The following DUXB variants were observed in gnomAD, a reference collection of about 807,000 sequenced individuals.
DUXB encodes the protein double homeobox protein B.
Under a neutral mutation model 8.9 loss-of-function variants are expected in DUXB, and 22 were observed. The observed-to-expected ratio is 2.46, with a 90% confidence interval of 1.76 to 3.52. The LOEUF is 3.52. Among genes scored for constraint, DUXB ranks in the 30% most tolerant of loss-of-function variants. The pLI, the probability that DUXB is intolerant of heterozygous loss-of-function variation, is 0.00. For missense variants in DUXB, 237 were observed against 108.7 expected, an observed-to-expected ratio of 2.18 and a Z score of -5.25; for synonymous variants, 84 against 37.6, an observed-to-expected ratio of 2.23 and a Z score of -4.52.
intron 1 of DUXB, among the ~76,000 whole-genome samples, chr16:75,701,144 G>C (rs1483434569): frequency 6.6e-6 from 1 of 152,102 alleles, no homozygotes; most frequent in East Asian, 1.9e-4. Flanking sequence ...CACATAAACT[G>C]TCAACTTTAA....
chr16:75,696,121 G>A lies in DUXB; in HGVS notation c.287-6C>T, dbSNP rs1157396024. 7 of 685,696 alleles carry A rather than the reference G, an allele frequency of 1.0e-5. No individual in the cohort carries two copies. The highest frequency in any genetic ancestry group is 4.2e-5 in the African/African-American group (2 of 47,652). 42.5% of individuals were successfully genotyped at this position (685,696 alleles called of 1,614,324 possible). A position where few individuals can be genotyped will look rare whatever the true frequency, so the allele number is the denominator to read the frequency against. ...GGCTTCTTTAGGTAAGTATTCTAAA[G>A]GAGAACACAGAAGCTGTTGGGGAAT... On this transcript the variant is annotated splice_polypyrimidine_tract_variant and splice_region_variant and intron_variant, in intron 3 of 4. Transcript: ENST00000633875.
intron 4 of DUXB, among the ~76,000 whole-genome samples, 200 bp downstream of exon 4, chr16:75,695,761 A>G (rs1250767103): frequency 6.6e-6 from 1 of 152,224 alleles, no homozygotes; most frequent in Non-Finnish European, 1.5e-5. Context: ...TCTGCTAGTG[A>G]TTCCAAATCC....
At position 75,700,108 on chromosome 16, in the gene DUXB, G is replaced by A. The variant is rs1013885043; in HGVS notation, c.87C>T (p.Ile29=). 1.0e-5 allele frequency: 7 copies of A among 702,660 alleles called. No homozygotes were observed. In the African/African-American group the frequency reaches 1.0e-4, roughly 11 times the overall value. The allele number at this position is 702,660 out of a possible 1,614,324, so 43.5% of individuals were successfully genotyped here. ...RIQYNQSQKD[I]LQSWFQHDPF... is the part of the protein sequence containing the mutation. ...GGTCATGTTGAAACCATGATTGGAG[G>A]ATATCCTTTTGACTCTGGTTATACT... Residue 29 remains isoleucine (I), a synonymous_variant, in exon 2 of 5, where the codon ATC becomes ATT. Transcript: ENST00000633875.
Position 75,694,244 on chromosome 16 carries a change from C to G in DUXB, c.723G>C (p.Gln241His). 4 of 572,868 alleles carry G rather than the reference C, an allele frequency of 7.0e-6. No homozygotes were observed. The highest frequency in any genetic ancestry group is 1.2e-5 in the Non-Finnish European group (4 of 326,032). 35.5% of individuals were successfully genotyped at this position (572,868 alleles called of 1,614,324 possible). A position where few individuals can be genotyped will look rare whatever the true frequency, so the allele number is the denominator to read the frequency against. ...GPNVMIMQPT[Q>H]AVQEGEKSDQ... Reference sequence around the variant, plus strand: ...CAGACTTCTCTCCTTCCTGCACAGCCTGTGTGGGCTGCATGATCATGACAT... The same window carrying G: ...CAGACTTCTCTCCTTCCTGCACAGCGTGTGTGGGCTGCATGATCATGACAT... The change falls in exon 5 of 5, where the codon CAG (glutamine) becomes CAC (histidine). Residue 241 changes from glutamine to histidine, a missense_variant. By Grantham distance (24) the Gln-to-His change is conservative. Coordinates refer to ENST00000633875, the MANE Select transcript of DUXB (RefSeq NM_001351307.2).
chr16:75,699,812 T>G (rs1959200783), intron 2 of DUXB, among the ~76,000 whole-genome samples: 1 of 152,186 alleles, frequency 6.6e-6, no homozygotes, highest in Non-Finnish European at 1.5e-5. Context: ...CCGCCTGCCT[T>G]GGCCTCCCAA....
intron 2 of DUXB, 117 bp downstream of exon 2, chr16:75,699,898 G>A (rs1959201197): frequency 1.9e-6 from 1 of 514,250 alleles, no homozygotes; most frequent in Non-Finnish European, 3.4e-6. Context: ...ACAGGAAAAC[G>A]TTTCTTAGCA....
rs554277954 is a variant in DUXB at position 75,696,283 on chromosome 16, G to A, written c.287-168C>T. 5.9e-5 allele frequency among the ~76,000 whole-genome samples: 9 copies of A among 152,376 alleles called. No homozygotes were observed. In the South Asian group the frequency reaches 1.9e-3, roughly 32 times the overall value. Reference sequence around the variant, plus strand: ...AGCCCAGAGCTAGGCTGGGCCCAGTGGCTTACGCCTGTAGTCCCAGCACTT... The same window carrying A: ...AGCCCAGAGCTAGGCTGGGCCCAGTAGCTTACGCCTGTAGTCCCAGCACTT... On this transcript the variant is annotated intron_variant, in intron 3 of 4. Transcript: ENST00000633875.
chr16:75,694,780 C>G (rs758173017), intron 4 of DUXB, among the ~76,000 whole-genome samples: 1 of 152,160 alleles, frequency 6.6e-6, no homozygotes, highest in Non-Finnish European at 1.5e-5. Context: ...TACAGTTTAA[C>G]AACTATTCAC....
rs2082608095 is a variant in DUXB, at chr16:75,696,449, G to T, written c.287-334C>A. Among the ~76,000 whole-genome samples, 3 of 152,328 alleles carry T rather than the reference G, an allele frequency of 2.0e-5. No homozygotes were observed. The South Asian group carries it at 6.2e-4, about 32-fold the overall frequency. ...CCTCTGTAGTTCCAGCTACTTGGGAGGCTGAGGCAGAAGAATCACTTGAAT... is the reference window on the plus strand; with the variant it reads ...CCTCTGTAGTTCCAGCTACTTGGGATGCTGAGGCAGAAGAATCACTTGAAT... On this transcript the variant is annotated intron_variant, in intron 3 of 4. Transcript: ENST00000633875.
chr16:75,700,287 T>C (rs1248624277), intron 1 of DUXB, 118 bp from the exon 2 acceptor site: 3 of 551,016 alleles, frequency 5.4e-6, no homozygotes, highest in Non-Finnish European at 9.6e-6. Context: ...CAGATTGGAG[T>C]GCAGTGATGC....
intron 2 of DUXB, chr16:75,698,841 C>T (rs1463295151): frequency 6.6e-6 from 1 of 152,146 alleles, no homozygotes; most frequent in Non-Finnish European, 1.5e-5. Context: ...GAAGGAATCA[C>T]AGATAACTTC....
rs986557312 is a variant in DUXB at position 75,698,617 on chromosome 16, T to A, written c.180+1398A>T. ...CCACTACTGGTCAGCATGAGAGTTT[T>A]GATCTGCTTTGTTTCTGACCTGAGC... On this transcript the variant is annotated intron_variant, in intron 2 of 4. Coordinates refer to ENST00000633875, the MANE Select transcript of DUXB (RefSeq NM_001351307.2). 2.0e-5 allele frequency: 3 copies of A among 152,184 alleles called. 1 individual carries two copies. Among genetic ancestry groups the A allele is most frequent in the African/African-American group, 7.2e-5 (3 of 41,428 alleles). The allele number at this position is 152,184 out of a possible 1,614,324, so 9.4% of individuals were successfully genotyped here.
chr16:75,695,883 C>A (rs2082601768), intron 4 of DUXB, 78 bp downstream of exon 4: 1 of 675,880 alleles, frequency 1.5e-6, no homozygotes, highest in Non-Finnish European at 2.7e-6. Context: ...CCCAAGTCAG[C>A]TGTAAGTTTT....
At chr16:75,695,806 A>G (rs2082601104) in intron 4 of DUXB, 155 bp downstream of exon 4, 1 of 594,702 alleles carries the variant, frequency 1.7e-6, no homozygotes, top group Admixed American at 3.0e-5. Flanking sequence ...TTCTTCCTTG[A>G]CAAAAACGGG....
intron 4 of DUXB, among the ~76,000 whole-genome samples, chr16:75,695,307 T>C (rs2151832082): frequency 6.6e-6 from 1 of 152,354 alleles, no homozygotes; most frequent in South Asian, 2.1e-4. Flanking sequence ...GACATTTTTT[T>C]CCTCTTCACG....
chr16:75,698,963 C>G (rs1175654831), intron 2 of DUXB: 1 of 152,244 alleles, frequency 6.6e-6, no homozygotes. Flanking sequence ...TCCACCTAAG[C>G]CCCTGAGTAG....
chr16:75,694,543 C>T lies in DUXB; in HGVS notation c.442-18G>A, dbSNP rs753918157. On this transcript the variant is annotated intron_variant, in intron 4 of 4. Transcript: ENST00000633875. ...AACCACATCTAAATGAGAAAAAGGGCAACATGACATCATAAGACATAAGCA... is the reference window on the plus strand; with the variant it reads ...AACCACATCTAAATGAGAAAAAGGGTAACATGACATCATAAGACATAAGCA... The T allele has an allele frequency of 2.8e-6, 2 of 702,610 alleles. No homozygotes were observed. The highest frequency in any genetic ancestry group is 5.2e-6 in the Non-Finnish European group (2 of 384,958). 43.5% of individuals were successfully genotyped at this position (702,610 alleles called of 1,614,324 possible). A position where few individuals can be genotyped will look rare whatever the true frequency, so the allele number is the denominator to read the frequency against.
intron 2 of DUXB, among the ~76,000 whole-genome samples, chr16:75,697,954 C>T (rs1180391883): frequency 6.6e-6 from 1 of 152,130 alleles, no homozygotes; most frequent in African/African-American, 2.4e-5. Flanking sequence ...ATAGTTTCAT[C>T]CCAAAACCAT....
Position 75,693,966 on chromosome 16 carries a change from A to G in DUXB, c.1001T>C (p.Leu334Pro). 2.5e-6 allele frequency: 1 copy of G among 400,488 alleles called. No homozygotes were observed. Among genetic ancestry groups the G allele is most frequent in the Non-Finnish European group, 4.4e-6 (1 of 227,614 alleles). The allele number at this position is 400,488 out of a possible 1,614,324, so 24.8% of individuals were successfully genotyped here. Residue 334 changes from leucine to proline, a missense_variant, in exon 5 of 5, where the codon CTG becomes CCG. By Grantham distance (98) the Leu-to-Pro change is moderately conservative. Coordinates refer to ENST00000633875, the MANE Select transcript of DUXB (RefSeq NM_001351307.2). ...LQRWDEICQA[L>P]LAEWDPLKGT... Reference sequence around the variant, plus strand: ...TTTGAGAGGGTCCCATTCAGCAAGCAGAGCCTGGCAGATCTCGTCCCACCT... The same window carrying G: ...TTTGAGAGGGTCCCATTCAGCAAGCGGAGCCTGGCAGATCTCGTCCCACCT...
Sources: allele counts gnomAD v4.1 joint callset (sites outside exome capture counted in the v4.1 genomes callset), GRCh38; gene constraint gnomAD v4.1.1; transcripts MANE v1.5; gene names NCBI Gene and HGNC (gene_info 2026-07-23, HGNC 2026-07-21).